The following KIF1B variants were observed in gnomAD, a reference collection of about 807,000 sequenced individuals.
KIF1B encodes kinesin family member 1B.
In KIF1B, 76 loss-of-function variants were observed where a neutral mutation model predicts 241.9. The observed-to-expected ratio is 0.31, with a 90% confidence interval of 0.26 to 0.38. The LOEUF is 0.38. KIF1B is among the 10% of genes least tolerant of loss of function. The pLI, the probability that KIF1B is intolerant of heterozygous loss-of-function variation, is 1.00. For synonymous variants in KIF1B, 750 were observed against 796.7 expected (o/e 0.94, Z 0.99); for missense variants, 1,622 against 2,271.4 (o/e 0.71, Z 5.81).
chr1:10,351,539 C>T (rs2102333534), intron 37 of KIF1B, among the ~76,000 whole-genome samples: 1 of 152,290 alleles, frequency 6.6e-6, no homozygotes, highest in African/African-American at 2.4e-5. Flanking sequence ...GGCTCAAAGC[C>T]TCACAGGTGG....
intron 2 of KIF1B, among the ~76,000 whole-genome samples, chr1:10,241,927 A>T (rs1647142717): frequency 6.6e-6 from 1 of 152,150 alleles, no homozygotes; most frequent in South Asian, 2.1e-4. Flanking sequence ...CGTGAAAGGG[A>T]TGCTACTTCT....
intron 22 of KIF1B, among the ~76,000 whole-genome samples, chr1:10,316,413 A>G (rs965649555): frequency 6.6e-6 from 1 of 151,462 alleles, no homozygotes; most frequent in Non-Finnish European, 1.5e-5. Flanking sequence ...TCTTAAATAG[A>G]TATCTGGGCA....
At chr1:10,319,992 C>T in intron 22 of KIF1B, 51 bp from the exon 23 acceptor site, 2 of 1,180,624 alleles carry the variant, frequency 1.7e-6, no homozygotes, top group Non-Finnish European at 2.5e-6. Flanking sequence ...TCTTTCCCTG[C>T]CCTCTTATTT....
Position 10,374,600 on chromosome 1 carries a change from C to G in KIF1B, c.5096+135C>G, listed in dbSNP as rs1377677799. On this transcript the variant is annotated intron_variant, in intron 46 of 48. Transcript: ENST00000676179. This position sits in a 1 kb window ranked among gnomAD's most constrained non-coding sequence, Gnocchi z 4.3. Reference sequence around the variant, plus strand: ...TACTGTAGTCTGATGCAAGTTGAGTCTGGGGTGAGAGGGCCAGCCTGGGTT... The same window carrying G: ...TACTGTAGTCTGATGCAAGTTGAGTGTGGGGTGAGAGGGCCAGCCTGGGTT... 2 of 1,160,326 alleles carry G rather than the reference C, an allele frequency of 1.7e-6. No homozygotes were observed. The highest frequency in any genetic ancestry group is 2.5e-6 in the Non-Finnish European group (2 of 787,960). The allele number at this position is 1,160,326 out of a possible 1,614,324, so 71.9% of individuals were successfully genotyped here. A position where few individuals can be genotyped will look rare whatever the true frequency, so the allele number is the denominator to read the frequency against.
intron 22 of KIF1B, among the ~76,000 whole-genome samples, chr1:10,309,217 G>T (rs1246018773): frequency 6.6e-6 from 1 of 152,220 alleles, no homozygotes; most frequent in Non-Finnish European, 1.5e-5. Flanking sequence ...AAATCCACAT[G>T]AGTTTTTAAT....
rs3748577 is a variant in KIF1B at position 10,297,348 on chromosome 1, A to G, written c.2115+102A>G. The G allele has an allele frequency of 0.33, 314,920 of 962,724 alleles. 51,952 individuals carry two copies. The highest frequency in any genetic ancestry group is 0.37 in the Admixed American group (21,537 of 57,638). The allele number at this position is 962,724 out of a possible 1,614,324, so 59.6% of individuals were successfully genotyped here. On this transcript the variant is annotated intron_variant, in intron 22 of 48. Transcript: ENST00000676179. Reference sequence around the variant, plus strand: ...ACTCACCCAAATTGCTTCTGTCTCAATGATACCAAGCACTATTCTTTAATT... The same window carrying G: ...ACTCACCCAAATTGCTTCTGTCTCAGTGATACCAAGCACTATTCTTTAATT...
chr1:10,266,729 A>G (rs1316010867), intron 5 of KIF1B, among the ~76,000 whole-genome samples: 1 of 152,232 alleles, frequency 6.6e-6, no homozygotes, highest in Non-Finnish European at 1.5e-5. Context: ...AACAGTATAC[A>G]TTTTAAAAAA....
At chr1:10,338,420 AGTT>A (rs1166157184) in intron 31 of KIF1B, among the ~76,000 whole-genome samples, 2 of 152,216 alleles carry the variant, frequency 1.3e-5, no homozygotes, top group Non-Finnish European at 2.9e-5. Context: ...TACAAGTCAT[AGTT>A]GTTGGAATAT....
chr1:10,283,052 A>T (rs948397763), intron 15 of KIF1B, among the ~76,000 whole-genome samples: 1 of 151,762 alleles, frequency 6.6e-6, no homozygotes, highest in Admixed American at 6.6e-5. Context: ...CTAAAAATAC[A>T]AAAAATTAGC....
At chr1:10,250,520 G>C (rs1036130099) in intron 2 of KIF1B, among the ~76,000 whole-genome samples, 1 of 151,974 alleles carries the variant, frequency 6.6e-6, no homozygotes, top group African/African-American at 2.4e-5. Context: ...TGTAAATACA[G>C]TATTTTTAAA....
intron 22 of KIF1B, chr1:10,305,677 G>A (rs1650794594): frequency 2.7e-5 from 29 of 1,057,440 alleles, no homozygotes; most frequent in Non-Finnish European, 3.2e-5. Context: ...AGTAATGCTT[G>A]TAGACACTCA....
chr1:10,354,766 T>C (rs1652916741), intron 38 of KIF1B, among the ~76,000 whole-genome samples: 1 of 152,248 alleles, frequency 6.6e-6, no homozygotes, highest in Admixed American at 6.5e-5. Flanking sequence ...CTTTGTAGTT[T>C]AGAATGCTCA....
intron 13 of KIF1B, 153 bp from the exon 14 acceptor site, chr1:10,278,943 GT>G: frequency 1.9e-6 from 1 of 522,148 alleles, no homozygotes. Context: ...TAGAGTCCGA[GT>G]TTAGATGAAT....
intron 33 of KIF1B, among the ~76,000 whole-genome samples, chr1:10,342,742 A>C (rs1378756724): frequency 6.6e-6 from 1 of 152,248 alleles, no homozygotes; most frequent in East Asian, 1.9e-4. Context: ...ATTGATACCA[A>C]CATCCAACTC....
At chr1:10,273,425 G>T (rs61775919) in intron 10 of KIF1B, among the ~76,000 whole-genome samples, 1 of 152,054 alleles carries the variant, frequency 6.6e-6, no homozygotes, top group Non-Finnish European at 1.5e-5. Flanking sequence ...GTGGTAGCGC[G>T]TGCCCATAGT....
chr1:10,341,980 T>C (rs1283183436), intron 32 of KIF1B, 70 bp from the exon 33 acceptor site: 17 of 1,010,370 alleles, frequency 1.7e-5, no homozygotes, highest in Non-Finnish European at 2.6e-5. Flanking sequence ...CCAAAATACG[T>C]ACTAAAGTTC....
intron 44 of KIF1B, among the ~76,000 whole-genome samples, chr1:10,370,419 T>G (rs1638696931): frequency 6.6e-6 from 1 of 151,436 alleles, no homozygotes. Context: ...CAAAAATTAG[T>G]TGGGTGTGGT....
intron 1 of KIF1B, chr1:10,211,577 G>A (rs972655115): frequency 7.9e-5 from 12 of 152,368 alleles, no homozygotes; most frequent in African/African-American, 2.9e-4. Flanking sequence ...GCAGCTTTCA[G>A]GGTGACTGGC....
intron 1 of KIF1B, among the ~76,000 whole-genome samples, chr1:10,225,520 A>G (rs992133690): frequency 7.9e-5 from 12 of 152,258 alleles, no homozygotes; most frequent in South Asian, 4.1e-4. Context: ...GGTAAGGTCA[A>G]TGATTTGAAA....
Sources: allele counts gnomAD v4.1 joint callset (sites outside exome capture counted in the v4.1 genomes callset), GRCh38; gene constraint gnomAD v4.1.1; non-coding constraint Gnocchi (gnomAD v3.1); transcripts MANE v1.5; gene names NCBI Gene and HGNC (gene_info 2026-07-23, HGNC 2026-07-21).